Variants in RNF130 observed in about 807,000 individuals in gnomAD.
RNF130 encodes the protein ring finger protein 130, also known as E3 ubiquitin-protein ligase RNF130.
A neutral mutation model predicts 44.6 loss-of-function variants in RNF130; 21 were observed. The observed-to-expected ratio is 0.47, with a 90% confidence interval of 0.33 to 0.68. RNF130 has a LOEUF of 0.68. Among genes scored for constraint, RNF130 ranks in the 30% least tolerant of loss-of-function variants. The pLI, the probability that RNF130 is intolerant of heterozygous loss-of-function variation, is 0.02. For missense variants in RNF130, 479 were observed against 560.6 expected, an observed-to-expected ratio of 0.85 and a Z score of 1.47; for synonymous variants, 214 against 210.4, an observed-to-expected ratio of 1.02 and a Z score of -0.15.
At chr5:179,912,766 G>C (rs1000625205) in exon 8 of RNF130, 1 of 152,252 alleles carries the variant, frequency 6.6e-6, no homozygotes, top group Non-Finnish European at 1.5e-5. Context: ...TCTTGGTTCA[G>C]TACCTCCCAG....
rs909638743 is a variant in RNF130, at chr5:180,000,587, A to C, written c.693+12474T>G. ...GCGTTCTTCATTATTTTTCATTCTT[A>C]TTTCTTTTTTTTTGTCTCTGACTTG... On this transcript the variant is annotated intron_variant, in intron 3 of 8. Coordinates refer to ENST00000521389, the MANE Select transcript of RNF130 (RefSeq NM_018434.6). Among the ~76,000 whole-genome samples the C allele has an allele frequency of 1.4e-4, 21 of 150,572 alleles. 1 individual carries two copies. The highest frequency in any genetic ancestry group is 5.1e-4 in the African/African-American group (21 of 41,022).
At chr5:180,044,256 T>C (rs1764502826) in intron 1 of RNF130, among the ~76,000 whole-genome samples, 1 of 152,218 alleles carries the variant, frequency 6.6e-6, no homozygotes. Flanking sequence ...ATTATTTGCA[T>C]TTATTAATTA....
At chr5:180,029,910 A>T (rs1682488403) in intron 2 of RNF130, among the ~76,000 whole-genome samples, 1 of 150,228 alleles carries the variant, frequency 6.7e-6, no homozygotes, top group African/African-American at 2.5e-5. Flanking sequence ...GCGCAGTGGC[A>T]CAATCTCAGC....
chr5:180,055,749 A>G (rs573705863), intron 1 of RNF130, among the ~76,000 whole-genome samples: 1 of 152,288 alleles, frequency 6.6e-6, no homozygotes, highest in South Asian at 2.1e-4. Context: ...GGTAGAGCTG[A>G]TACTTCTCTC....
rs146500468 is a variant in RNF130, at chr5:179,926,848, T to A, written c.1151-6422A>T. ...GACTGAGCCCTCACCCTGGGGGACCTGATGCCATTTCCAGGTAGACAGCGT... is the reference window on the plus strand; with the variant it reads ...GACTGAGCCCTCACCCTGGGGGACCAGATGCCATTTCCAGGTAGACAGCGT... On this transcript the variant is annotated intron_variant, in intron 7 of 7. Transcript: ENST00000522208. Among the ~76,000 whole-genome samples, 800 of 152,216 alleles carry A rather than the reference T, an allele frequency of 5.3e-3. 3 individuals are homozygous for A. Among genetic ancestry groups the A allele is most frequent in the Middle Eastern group, 0.027 (8 of 294 alleles).
chr5:180,011,631 G>T (rs771992161), intron 3 of RNF130, among the ~76,000 whole-genome samples: 4 of 152,124 alleles, frequency 2.6e-5, no homozygotes, highest in Non-Finnish European at 5.9e-5. Context: ...GCCAGTCATG[G>T]TGGTGCATAC....
intron 1 of RNF130, among the ~76,000 whole-genome samples, chr5:180,047,612 T>C (rs1764596247): frequency 6.6e-6 from 1 of 152,070 alleles, no homozygotes; most frequent in Non-Finnish European, 1.5e-5. Flanking sequence ...TGGCGTGGTG[T>C]GTAGGCCTGT....
At chr5:180,018,541 G>A (rs1039176394) in intron 2 of RNF130, among the ~76,000 whole-genome samples, 1 of 152,140 alleles carries the variant, frequency 6.6e-6, no homozygotes, top group African/African-American at 2.4e-5. Context: ...TTGACATGTG[G>A]GGATTATAGG....
intron 7 of RNF130, among the ~76,000 whole-genome samples, chr5:179,928,897 G>T (rs535343276): frequency 6.6e-6 from 1 of 152,264 alleles, no homozygotes; most frequent in East Asian, 1.9e-4. Context: ...CCAAAGTGCT[G>T]GGATTACAGG....
Position 180,046,699 on chromosome 5 carries a change from C to T in RNF130, c.248-6052G>A, listed in dbSNP as rs115256970. 6.1e-3 allele frequency among the ~76,000 whole-genome samples: 922 copies of T among 152,308 alleles called. 6 individuals are homozygous for T. Among genetic ancestry groups the T allele is most frequent in the Non-Finnish European group, 0.01 (692 of 68,026 alleles). On this transcript the variant is annotated intron_variant, in intron 1 of 8. Transcript: ENST00000521389. ...TGCCAGTCCCACCACTCTTGCTCAC[C>T]ACCTTCTGAGCCTCAGGATTCTGCC...
At chr5:179,946,294 G>C (rs1171183815) in intron 7 of RNF130, among the ~76,000 whole-genome samples, 5 of 152,188 alleles carry the variant, frequency 3.3e-5, no homozygotes, top group African/African-American at 4.8e-5. Flanking sequence ...GCCGCGCGGG[G>C]TCTGTGTGTG....
chr5:179,937,904 CTGTG>C (rs757837790), intron 7 of RNF130, among the ~76,000 whole-genome samples: 1,458 of 119,354 alleles, frequency 0.012, 27 homozygotes, highest in East Asian at 0.074. Flanking sequence ...TTCAATGAAT[CTGTG>C]TGTGTGTGTG....
chr5:179,919,492 G>A, exon 8 of RNF130: 1 of 152,606 alleles, frequency 6.6e-6, no homozygotes, highest in East Asian at 1.9e-4. Context: ...TGAAATCACT[G>A]TGCCCAGAGA....
chr5:180,023,217 A>T (rs572068396), intron 2 of RNF130, among the ~76,000 whole-genome samples: 1 of 152,366 alleles, frequency 6.6e-6, no homozygotes, highest in African/African-American at 2.4e-5. Flanking sequence ...GCAGATGATT[A>T]CAGATAGAAA....
At chr5:179,974,127 A>T (rs141504143) in intron 5 of RNF130, among the ~76,000 whole-genome samples, 138 of 152,274 alleles carry the variant, frequency 9.1e-4, no homozygotes, top group African/African-American at 3.2e-3. Flanking sequence ...AGGATGCAGG[A>T]TTATTAAAGG....
At chr5:179,960,703 C>G (rs1011749694) in intron 8 of RNF130, among the ~76,000 whole-genome samples, 4 of 152,106 alleles carry the variant, frequency 2.6e-5, no homozygotes. Flanking sequence ...GTAAACTATT[C>G]TAGTAGGTAT....
At chr5:179,975,854 C>T (rs954714434) in intron 5 of RNF130, among the ~76,000 whole-genome samples, 4 of 152,174 alleles carry the variant, frequency 2.6e-5, no homozygotes, top group Non-Finnish European at 5.9e-5. Context: ...AGGTGCAGCG[C>T]AGAAATGGTT....
intron 3 of RNF130, among the ~76,000 whole-genome samples, chr5:179,981,076 G>A (rs560296051): frequency 1.3e-5 from 2 of 152,184 alleles, no homozygotes; most frequent in Non-Finnish European, 2.9e-5. Flanking sequence ...GGTTAGATGG[G>A]AAAGGCGTAG....
At chr5:180,056,475 C>T (rs562717828) in intron 1 of RNF130, among the ~76,000 whole-genome samples, 1 of 152,218 alleles carries the variant, frequency 6.6e-6, no homozygotes, top group East Asian at 1.9e-4. Flanking sequence ...CCAGTAATTA[C>T]TTAGATATGG....
Sources: gnomAD v4.1 joint callset for allele counts (sites outside exome capture counted in the v4.1 genomes callset) on GRCh38, gnomAD v4.1.1 for gene constraint, MANE v1.5 for transcripts, NCBI Gene and HGNC (gene_info 2026-07-23, HGNC 2026-07-21) for gene names.